The following IFFO2 variants were observed in gnomAD, a reference collection of about 807,000 sequenced individuals.
IFFO2 encodes intermediate filament family orphan 2.
In IFFO2, 19 loss-of-function variants were observed where a neutral mutation model predicts 53.5. The observed-to-expected ratio is 0.36, with a 90% CI of 0.25 to 0.52. IFFO2 has a LOEUF of 0.52. Among genes scored for constraint, IFFO2 ranks in the 20% least tolerant of loss-of-function variants. IFFO2 has a pLI of 0.94. For missense variants in IFFO2, 570 were observed against 727.4 expected (o/e 0.78, Z 2.49); for synonymous variants, 303 against 313.6 (o/e 0.97, Z 0.36).
chr1:18,938,523 C>A (rs1366685745), intron 1 of IFFO2, among the ~76,000 whole-genome samples: 1 of 152,228 alleles, frequency 6.6e-6, no homozygotes. Flanking sequence ...CCCTCAACCG[C>A]TACTGACTGG....
rs1287613381 is a variant in IFFO2, at chr1:18,908,516, C to A, written c.*45G>T. On this transcript the variant is annotated 3_prime_UTR_variant, in exon 9 of 9. Transcript: ENST00000455833. ...TTCCTGGCCCCATGAGGAGAGGTGG[C>A]AGGGCCCCATCACCAAGACCACCAG... 3.6e-6 allele frequency: 5 copies of A among 1,392,146 alleles called. No individual in the cohort carries two copies. The African/African-American group carries it at 5.7e-5, about 16-fold the overall frequency. 86.2% of individuals were successfully genotyped at this position (1,392,146 alleles called of 1,614,324 possible).
chr1:18,956,182 C>T lies in IFFO2; in HGVS notation c.151G>A (p.Gly51Ser). ...PVTAALRDDLGSNIHLLKGLN... is the reference protein window; with the variant it reads ...PVTAALRDDLSSNIHLLKGLN... ...CCCTTCAAGAGGTGGATGTTGGAGC[C>T]CAGGTCGTCCCGCAGCGCCGCCGTC... The change falls in exon 1 of 9, where the codon GGC becomes AGC. Residue 51 changes from glycine to serine, a missense_variant. Transcript: ENST00000455833. The surrounding 1 kb of genome is among the most constrained non-coding windows in gnomAD (Gnocchi z 6.4). 6.9e-7 allele frequency: 1 copy of T among 1,454,350 alleles called. No homozygotes were observed. Among genetic ancestry groups the T allele is most frequent in the Non-Finnish European group, 9.2e-7 (1 of 1,089,706 alleles). 90.1% of individuals were successfully genotyped at this position (1,454,350 alleles called of 1,614,324 possible).
intron 5 of IFFO2, among the ~76,000 whole-genome samples, chr1:18,913,880 G>C (rs1184207508): frequency 2.0e-5 from 3 of 152,202 alleles, no homozygotes; most frequent in Admixed American, 6.5e-5. Flanking sequence ...GCCCAGGCTG[G>C]AGTGCAGTGG....
rs1305798440 is a variant in IFFO2 at position 18,918,281 on chromosome 1, G to A, written c.963+81C>T. ...GAGTGAGTGGGATGTGGAGGCAAAC[G>A]GGTTGGCCGGGCAGGGGTGGAGGCC... On this transcript the variant is annotated intron_variant, in intron 4 of 8. Coordinates refer to ENST00000455833, the MANE Select transcript of IFFO2 (RefSeq NM_001136265.2). This position sits in a 1 kb window ranked among gnomAD's most constrained non-coding sequence, Gnocchi z 5.2. 7 of 1,404,800 alleles carry A rather than the reference G, an allele frequency of 5.0e-6. No homozygotes were observed. Among genetic ancestry groups the A allele is most frequent in the South Asian group, 1.3e-5 (1 of 77,130 alleles). 87.0% of individuals were successfully genotyped at this position (1,404,800 alleles called of 1,614,324 possible).
At chr1:18,910,776 A>C (rs1036309641) in intron 7 of IFFO2, among the ~76,000 whole-genome samples, 6 of 152,240 alleles carry the variant, frequency 3.9e-5, no homozygotes, top group Non-Finnish European at 7.3e-5. Flanking sequence ...TCCTTTATCC[A>C]GACCTGATTA....
intron 1 of IFFO2, among the ~76,000 whole-genome samples, chr1:18,934,339 TGA>T (rs1936418380): frequency 6.6e-6 from 1 of 152,138 alleles, no homozygotes; most frequent in African/African-American, 2.4e-5. Flanking sequence ...CCCAAAGTAT[TGA>T]GATGACAGGT....
Position 18,905,797 on chromosome 1 carries a change from C to G in IFFO2, c.*2764G>C, listed in dbSNP as rs1935939141. 1 of 151,842 alleles carries G rather than the reference C, an allele frequency of 6.6e-6. No individual in the cohort carries two copies. The highest frequency in any genetic ancestry group is 2.4e-5 in the African/African-American group (1 of 41,264). The allele number at this position is 151,842 out of a possible 1,614,324, so 9.4% of individuals were successfully genotyped here. A position where few individuals can be genotyped will look rare whatever the true frequency, so the allele number is the denominator to read the frequency against. On this transcript the variant is annotated 3_prime_UTR_variant, in exon 9 of 9. Coordinates refer to ENST00000455833, the MANE Select transcript of IFFO2 (RefSeq NM_001136265.2). Reference sequence around the variant, plus strand: ...CCAATCCTCTGTTTGTATAAAACCCCCAAAAACAGGAGACAGAGGGCAGCG... The same window carrying G: ...CCAATCCTCTGTTTGTATAAAACCCGCAAAAACAGGAGACAGAGGGCAGCG...
In IFFO2 at chr1:18,918,292, G is replaced by A; in HGVS notation, c.963+70C>T. 1 of 1,482,294 alleles carries A rather than the reference G, an allele frequency of 6.7e-7. No homozygotes were observed. Among genetic ancestry groups the A allele is most frequent in the Non-Finnish European group, 9.2e-7 (1 of 1,091,178 alleles). 91.8% of individuals were successfully genotyped at this position (1,482,294 alleles called of 1,614,324 possible). ...ATGTGGAGGCAAACGGGTTGGCCGG[G>A]CAGGGGTGGAGGCCAGGGCTGCTCT... On this transcript the variant is annotated intron_variant, in intron 4 of 8. Coordinates refer to ENST00000455833, the MANE Select transcript of IFFO2 (RefSeq NM_001136265.2). This position sits in a 1 kb window ranked among gnomAD's most constrained non-coding sequence, Gnocchi z 5.2.
intron 1 of IFFO2, among the ~76,000 whole-genome samples, chr1:18,934,125 G>C (rs1468744193): frequency 3.1e-5 from 4 of 130,056 alleles, no homozygotes; most frequent in African/African-American, 1.2e-4. Context: ...GGAGTGCAGT[G>C]GTACAATCAC....
At chr1:18,912,329 C>T (rs955061261) in intron 5 of IFFO2, among the ~76,000 whole-genome samples, 6 of 151,798 alleles carry the variant, frequency 4.0e-5, no homozygotes, top group African/African-American at 9.7e-5. Flanking sequence ...TAATGTCAGG[C>T]TTTAATTAAT....
In IFFO2 at chr1:18,919,685, A is replaced by T. The variant is rs1369632638; in HGVS notation, c.815T>A (p.Met272Lys). 6.4e-7 allele frequency: 1 copy of T among 1,551,174 alleles called. No homozygotes were observed. Among genetic ancestry groups the T allele is most frequent in the Non-Finnish European group, 8.7e-7 (1 of 1,146,508 alleles). Residue 272 changes from methionine (M) to lysine (K), a missense_variant, in exon 3 of 9, where the codon ATG (methionine) becomes AAG (lysine). Met to Lys is a moderately conservative substitution (Grantham distance 95). Transcript: ENST00000455833. This position sits in a 1 kb window ranked among gnomAD's most constrained non-coding sequence, Gnocchi z 4.9. ...GCGGCGGGCGGCACTTACGTCACTC[A>T]TAAGCCCCTTAAACACCACCAGCTC... ...KAELVVFKGL[M>K]SDPMTDLDTK...
intron 8 of IFFO2, 114 bp downstream of exon 8, chr1:18,910,228 C>A: frequency 8.3e-7 from 1 of 1,204,708 alleles, no homozygotes. Flanking sequence ...GACGGACGGA[C>A]AGATGGACGG....
chr1:18,918,411 C>T lies in IFFO2; in HGVS notation c.914G>A (p.Cys305Tyr), dbSNP rs1196311497. 1.9e-6 allele frequency: 3 copies of T among 1,556,588 alleles called. No individual in the cohort carries two copies. Among genetic ancestry groups the T allele is most frequent in the South Asian group, 1.2e-5 (1 of 84,308 alleles). Residue 305 changes from cysteine to tyrosine, a missense_variant, in exon 4 of 9, where the codon TGC (cysteine) becomes TAC (tyrosine). By Grantham distance (194) the Cys-to-Tyr change is radical. Coordinates refer to ENST00000455833, the MANE Select transcript of IFFO2 (RefSeq NM_001136265.2). The surrounding 1 kb of genome is among the most constrained non-coding windows in gnomAD (Gnocchi z 5.2). The part of the protein sequence containing the change: ...CRRIDITAKL[C>Y]DVAQQRNSED... Reference sequence around the variant, plus strand: ...TGAGTTCCGCTGCTGTGCGACATCGCACAGCTTGGCCGTGATATCGATTCG... The same window carrying T: ...TGAGTTCCGCTGCTGTGCGACATCGTACAGCTTGGCCGTGATATCGATTCG...
At chr1:18,932,079 G>A (rs1936384048) in intron 1 of IFFO2, among the ~76,000 whole-genome samples, 2 of 152,202 alleles carry the variant, frequency 1.3e-5, no homozygotes, top group Non-Finnish European at 2.9e-5. Context: ...CCAAGCTCTG[G>A]AGCTGGACGG....
At chr1:18,924,012 A>G (rs1173398156) in intron 1 of IFFO2, among the ~76,000 whole-genome samples, 1 of 152,190 alleles carries the variant, frequency 6.6e-6, no homozygotes, top group Middle Eastern at 3.2e-3. Context: ...TTCCAAAGCC[A>G]GACGGGGGAG....
At chr1:18,933,138 G>C (rs145462983) in intron 1 of IFFO2, among the ~76,000 whole-genome samples, 1 of 152,230 alleles carries the variant, frequency 6.6e-6, no homozygotes. Context: ...GAGGGGAGGC[G>C]AGTTCCGGAG....
At chr1:18,950,623 A>G (rs1203678832) in intron 1 of IFFO2, among the ~76,000 whole-genome samples, 3 of 152,358 alleles carry the variant, frequency 2.0e-5, no homozygotes, top group African/African-American at 7.2e-5. Context: ...AAGAATCCGT[A>G]TCGGTGCCAG....
At chr1:18,935,857 T>G (rs745986410) in intron 1 of IFFO2, among the ~76,000 whole-genome samples, 1 of 149,362 alleles carries the variant, frequency 6.7e-6, no homozygotes, top group Non-Finnish European at 1.5e-5. Flanking sequence ...ACCTGGCTAA[T>G]TTTTCTATTT....
At position 18,916,895 on chromosome 1, in the gene IFFO2, A is replaced by C. The variant is rs1262975105; in HGVS notation, c.1103+8T>G. On this transcript the variant is annotated splice_region_variant and intron_variant, in intron 5 of 8. Coordinates refer to ENST00000455833, the MANE Select transcript of IFFO2 (RefSeq NM_001136265.2). The surrounding 1 kb of genome is among the most constrained non-coding windows in gnomAD (Gnocchi z 4.3). The stretch of plus-strand genomic sequence containing the variant: ...AACGGAGAGTGTGCGGGCCACGGGG[A>C]TACTCACAGCTGGTTAAACATGCGC... The C allele has an allele frequency of 6.4e-7, 1 of 1,551,568 alleles. No individual in the cohort carries two copies. The highest frequency in any genetic ancestry group is 1.4e-5 in the African/African-American group (1 of 73,044).
Sources: allele counts gnomAD v4.1 joint callset (sites outside exome capture counted in the v4.1 genomes callset), GRCh38; gene constraint gnomAD v4.1.1; non-coding constraint Gnocchi (gnomAD v3.1); transcripts MANE v1.5; gene names NCBI Gene and HGNC (gene_info 2026-07-23, HGNC 2026-07-21).